Variants in WNT3 observed in about 807,000 individuals in gnomAD.
The protein encoded by WNT3 is proto-oncogene Wnt-3.
Under a neutral mutation model 34.2 loss-of-function variants are expected in WNT3, and 7 were observed. The ratio of observed to expected loss-of-function variants is 0.20; its 90% CI spans 0.12 to 0.38. WNT3 has a LOEUF of 0.38. Ranked by LOEUF, WNT3 falls within the 10% of genes least tolerant of loss-of-function variation. The pLI, the probability that WNT3 is intolerant of heterozygous loss-of-function variation, is 1.00. For missense variants in WNT3, 267 were observed against 499.8 expected, an observed-to-expected ratio of 0.53 and a Z score of 4.44; for synonymous variants, 212 against 211.5, an observed-to-expected ratio of 1.00 and a Z score of -0.02.
chr17:46,806,150 T>C (rs1195209226), intron 1 of WNT3, among the ~76,000 whole-genome samples: 1 of 152,026 alleles, frequency 6.6e-6, no homozygotes, highest in Non-Finnish European at 1.5e-5. Context: ...TCCTTACAGC[T>C]CCTGGTTGGG....
At chr17:46,798,685 ACAGCCAGTGCCT>A (rs944005228) in intron 1 of WNT3, among the ~76,000 whole-genome samples, 6 of 152,156 alleles carry the variant, frequency 3.9e-5, no homozygotes, top group Non-Finnish European at 5.9e-5. Context: ...AAGGGCTTAC[ACAGCCAGTGCCT>A]CAGCCATTAA....
chr17:46,789,897 T>G (rs926142234), intron 1 of WNT3, among the ~76,000 whole-genome samples: 1 of 152,318 alleles, frequency 6.6e-6, no homozygotes, highest in East Asian at 1.9e-4. Context: ...GATTCCACTC[T>G]CTACCTTTCA....
chr17:46,784,772 C>CTTTT (rs1175634691), intron 1 of WNT3, among the ~76,000 whole-genome samples: 1 of 112,354 alleles, frequency 8.9e-6, no homozygotes, highest in Admixed American at 1.1e-4. Flanking sequence ...CCCCTTTTTG[C>CTTTT]TTTTCTTTTT....
intron 1 of WNT3, among the ~76,000 whole-genome samples, chr17:46,783,389 T>G (rs1475504513): frequency 6.6e-6 from 1 of 152,200 alleles, no homozygotes. Context: ...TCACTGCCTA[T>G]TCACTCAACA....
chr17:46,768,003 G>A lies in WNT3; in HGVS notation c.*8+309C>T. On this transcript the variant is annotated intron_variant, in intron 4 of 4. Transcript: ENST00000225512. This position sits in a 1 kb window ranked among gnomAD's most constrained non-coding sequence, Gnocchi z 5.0. Reference sequence around the variant, plus strand: ...GGGTTTCACCATGTTGGCCAGGCCGGTCTCGAACTCCTGACCTCAGGTGAT... The same window carrying A: ...GGGTTTCACCATGTTGGCCAGGCCGATCTCGAACTCCTGACCTCAGGTGAT... Among the ~76,000 whole-genome samples the A allele has an allele frequency of 6.6e-6, 1 of 152,260 alleles. No homozygotes were observed.
rs2059347690 is a variant in WNT3, at chr17:46,769,798, G to C, written c.573C>G (p.Asn191Lys). Residue 191 changes from asparagine to lysine, a missense_variant, in exon 3 of 5, where the codon AAC becomes AAG. Asn to Lys is a moderately conservative substitution (Grantham distance 94, BLOSUM62 0). Around this residue, in one of 3 missense-constraint regions of WNT3, gnomAD observed 181 missense variants for 391.3 expected, o/e 0.46. Transcript: ENST00000225512. ...DARSAMNKHNNEAGRTTILDH... is the reference protein window; with the variant it reads ...DARSAMNKHNKEAGRTTILDH... Reference sequence around the variant, plus strand: ...CCGGGCTCACCGTGCGGCCCGCCTCGTTGTTGTGCTTGTTCATGGCCGAGC... The same window carrying C: ...CCGGGCTCACCGTGCGGCCCGCCTCCTTGTTGTGCTTGTTCATGGCCGAGC... The C allele has an allele frequency of 6.2e-7, 1 of 1,611,964 alleles. No individual in the cohort carries two copies. Among genetic ancestry groups the C allele is most frequent in the African/African-American group, 1.3e-5 (1 of 74,940 alleles).
chr17:46,792,790 TAA>T (rs2146426521), intron 1 of WNT3, among the ~76,000 whole-genome samples: 1 of 152,304 alleles, frequency 6.6e-6, no homozygotes, highest in African/African-American at 2.4e-5. Flanking sequence ...TTATTAATAA[TAA>T]TAGTTAACAT....
chr17:46,766,545 C>A (rs572922942), intron 4 of WNT3, among the ~76,000 whole-genome samples: 1 of 152,328 alleles, frequency 6.6e-6, no homozygotes, highest in South Asian at 2.1e-4. Flanking sequence ...ACTCCCCACA[C>A]TGCTTTTGTT....
rs34307609 is a variant in WNT3, at chr17:46,817,705, G to A, written c.80+813C>T. Among the ~76,000 whole-genome samples, 772 of 151,214 alleles carry A rather than the reference G, an allele frequency of 5.1e-3. 10 individuals are homozygous for A. Among genetic ancestry groups the A allele is most frequent in the African/African-American group, 0.018 (736 of 41,108 alleles). Reference sequence around the variant, plus strand: ...TGTCTTTTGTATCCACATTTCTCAGGGACGGAATTCTCCCTTCCCTCTCCC... The same window carrying A: ...TGTCTTTTGTATCCACATTTCTCAGAGACGGAATTCTCCCTTCCCTCTCCC... On this transcript the variant is annotated intron_variant, in intron 1 of 4. Transcript: ENST00000225512.
chr17:46,816,938 C>T (rs998819552), intron 1 of WNT3, among the ~76,000 whole-genome samples: 1 of 152,210 alleles, frequency 6.6e-6, no homozygotes, highest in African/African-American at 2.4e-5. Context: ...ACTGGCCGAA[C>T]CTCCTTCCTG....
At position 46,764,190 on chromosome 17, in the gene WNT3, C is replaced by A. The variant is rs146256056; in HGVS notation, c.*440G>T. On this transcript the variant is annotated 3_prime_UTR_variant, in exon 5 of 5. Transcript: ENST00000225512. ...TACTTCCTGACTCCCACCCTCCAGG[C>A]GTCTTGGAATGTCACCAGAAGCAGC... 1.3e-5 allele frequency: 2 copies of A among 152,460 alleles called. No homozygotes were observed. Among genetic ancestry groups the A allele is most frequent in the Non-Finnish European group, 2.9e-5 (2 of 68,052 alleles). The allele number at this position is 152,460 out of a possible 1,614,324, so 9.4% of individuals were successfully genotyped here.
chr17:46,769,753 G>A, intron 3 of WNT3, 30 bp downstream of exon 3: 1 of 1,606,210 alleles, frequency 6.2e-7, no homozygotes, highest in Non-Finnish European at 8.5e-7. Flanking sequence ...GCTGCTCCCT[G>A]AAGGGTTTGG....
At chr17:46,793,229 G>A (rs1260508518) in intron 1 of WNT3, among the ~76,000 whole-genome samples, 9 of 130,476 alleles carry the variant, frequency 6.9e-5, no homozygotes, top group African/African-American at 1.1e-4. Flanking sequence ...AGCCAAGATC[G>A]AGCCATTTTA....
At chr17:46,809,259 G>A (rs2084238501) in intron 1 of WNT3, among the ~76,000 whole-genome samples, 1 of 152,196 alleles carries the variant, frequency 6.6e-6, no homozygotes, top group Non-Finnish European at 1.5e-5. Context: ...ACCTTGTGAA[G>A]ATGATTGGTG....
At chr17:46,766,320 A>C (rs976640856) in intron 4 of WNT3, among the ~76,000 whole-genome samples, 2 of 151,846 alleles carry the variant, frequency 1.3e-5, no homozygotes, top group Non-Finnish European at 1.5e-5. Flanking sequence ...AGGCAGGAGA[A>C]TCGCTTGAAC....
rs957463346 is a variant in WNT3 at position 46,762,769 on chromosome 17, C to T, written c.*1861G>A. ...TCGGTTGGATACTATTACCTGACTA[C>T]GGCGAGAATCATTACAATGCACTCA... On this transcript the variant is annotated 3_prime_UTR_variant, in exon 5 of 5. Transcript: ENST00000225512. 4 of 152,016 alleles carry T rather than the reference C, an allele frequency of 2.6e-5. No individual in the cohort carries two copies. The highest frequency in any genetic ancestry group is 4.4e-5 in the Non-Finnish European group (3 of 68,010). 9.4% of individuals were successfully genotyped at this position (152,016 alleles called of 1,614,324 possible).
At position 46,779,101 on chromosome 17, in the gene WNT3, A is replaced by ACC. The variant is rs1226625742; in HGVS notation, c.81-5193_81-5192insGG. 2.7e-3 allele frequency among the ~76,000 whole-genome samples: 382 copies of ACC among 140,058 alleles called. 18 individuals carry two copies. The East Asian group carries it at 0.059, about 22-fold the overall frequency. 91.9% of individuals were successfully genotyped at this position (140,058 alleles called of 152,430 possible). The stretch of plus-strand genomic sequence containing the variant: ...CACACACACACACACACACACACAC[A>ACC]CACCCCAGCCCACTCGGCCTTCCAA... On this transcript the variant is annotated intron_variant, in intron 1 of 4. Coordinates refer to ENST00000225512, the MANE Select transcript of WNT3 (RefSeq NM_030753.5).
chr17:46,764,269 C>G lies in WNT3; in HGVS notation c.*361G>C, dbSNP rs1302895907. 4 of 152,674 alleles carry G rather than the reference C, an allele frequency of 2.6e-5. No individual in the cohort carries two copies. Among genetic ancestry groups the G allele is most frequent in the African/African-American group, 9.6e-5 (4 of 41,474 alleles). 9.5% of individuals were successfully genotyped at this position (152,674 alleles called of 1,614,324 possible). ...GATGTCTTGACTGCCAGGCTGAGAG[C>G]TCACATTAGCCCAGCCTGTTCTGTT... On this transcript the variant is annotated 3_prime_UTR_variant, in exon 5 of 5. Coordinates refer to ENST00000225512, the MANE Select transcript of WNT3 (RefSeq NM_030753.5).
intron 1 of WNT3, among the ~76,000 whole-genome samples, chr17:46,812,107 G>T (rs1333934209): frequency 2.0e-5 from 3 of 152,206 alleles, no homozygotes; most frequent in East Asian, 3.8e-4. Context: ...GAAGTCCCGG[G>T]AGATGGGATC....
Sources: allele counts gnomAD v4.1 joint callset (sites outside exome capture counted in the v4.1 genomes callset), GRCh38; gene constraint gnomAD v4.1.1; regional missense constraint gnomAD v4.1.1; non-coding constraint Gnocchi (gnomAD v3.1); transcripts MANE v1.5; gene names NCBI Gene and HGNC (gene_info 2026-07-23, HGNC 2026-07-21).